Variants in RPGRIP1 observed in about 807,000 individuals in gnomAD.
The protein encoded by RPGRIP1 is X-linked retinitis pigmentosa GTPase regulator-interacting protein 1.
In RPGRIP1, 128 loss-of-function variants were observed where a neutral mutation model predicts 157.9. The ratio of observed to expected loss-of-function variants is 0.81; its 90% CI spans 0.70 to 0.94. The LOEUF (loss-of-function observed/expected upper bound fraction) is 0.94. Ranked by LOEUF, RPGRIP1 falls within the 40% of genes least tolerant of loss-of-function variation. The pLI, the probability that RPGRIP1 is intolerant of heterozygous loss-of-function variation, is 0.00. For missense variants in RPGRIP1, 1,486 were observed against 1,545.8 expected (o/e 0.96, Z 0.65); for synonymous variants, 554 against 571.6 (o/e 0.97, Z 0.44).
At chr14:21,285,530 G>A (rs1385991587) in intron 1 of RPGRIP1, among the ~76,000 whole-genome samples, 4 of 151,616 alleles carry the variant, frequency 2.6e-5, no homozygotes, top group Admixed American at 6.6e-5. Flanking sequence ...ACTTGAACTC[G>A]GGAGGTGGAG....
In RPGRIP1 at chr14:21,303,623, C is replaced by T. The variant is rs1216052348; in HGVS notation, c.800+80C>T. ...ATTCTTATTTATACCTTTCCTCCAT[C>T]TCAGAGGAAAAGAGTGTTTGGGATT... On this transcript the variant is annotated intron_variant, in intron 6 of 24. Transcript: ENST00000400017. The T allele has an allele frequency of 2.8e-6, 3 of 1,059,864 alleles. No individual in the cohort carries two copies. The East Asian group carries it at 7.2e-5, about 25-fold the overall frequency. The allele number at this position is 1,059,864 out of a possible 1,614,324, so 65.7% of individuals were successfully genotyped here.
chr14:21,350,890 T>G (rs1012190582), intron 24 of RPGRIP1, among the ~76,000 whole-genome samples: 3 of 152,204 alleles, frequency 2.0e-5, no homozygotes, highest in African/African-American at 7.2e-5. Context: ...TCCATTCTGG[T>G]GCAGATGCCT....
At position 21,301,122 on chromosome 14, in the gene RPGRIP1, A is replaced by G. The variant is rs372557648; in HGVS notation, c.375A>G (p.Gln125=). The change falls in exon 4 of 25, where the codon CAA becomes CAG. Residue 125 remains glutamine (Q), a synonymous_variant. Transcript: ENST00000400017. ...MHQRPQMHRL[Q]GHFHCVGPAS... is the part of the protein sequence containing the mutation. ...AGCGCCCCCAGATGCACCGACTGCA[A>G]GGGCATTTCCACTGCGTCGGCCCTG... 128 of 1,607,134 alleles carry G rather than the reference A, an allele frequency of 8.0e-5. No homozygotes were observed. Among genetic ancestry groups the G allele is most frequent in the Non-Finnish European group, 1.0e-4 (123 of 1,176,788 alleles).
chr14:21,325,952 C>A lies in RPGRIP1; in HGVS notation c.2489C>A (p.Thr830Asn). Residue 830 changes from threonine to asparagine, a missense_variant, in exon 17 of 25, where the codon ACC becomes AAC. By Grantham distance (65) the Thr-to-Asn change is moderately conservative. Transcript: ENST00000400017. The part of the protein sequence containing the change: ...PSPYAVYRFF[T>N]FSDHDTAIIP... ...CCATATGCTGTGTACCGCTTCTTCA[C>A]CTTTTCTGACCATGACACTGCCATC... 1 of 1,614,002 alleles carries A rather than the reference C, an allele frequency of 6.2e-7. No homozygotes were observed. The highest frequency in any genetic ancestry group is 8.5e-7 in the Non-Finnish European group (1 of 1,179,884).
intron 14 of RPGRIP1, chr14:21,324,226 C>T (rs185283532): frequency 7.5e-4 from 237 of 314,638 alleles, no homozygotes; most frequent in African/African-American, 4.6e-3. Flanking sequence ...TCTCCACGGC[C>T]AATATACCAA....
intron 1 of RPGRIP1, among the ~76,000 whole-genome samples, chr14:21,281,735 A>AATAATAATAATAATAATC (rs949267854): frequency 6.8e-6 from 1 of 147,602 alleles, no homozygotes; most frequent in Non-Finnish European, 1.5e-5. Flanking sequence ...TAATAATAAT[A>AATAATAATAATAATAATC]ATCAGAGTAA....
At chr14:21,320,229 A>G in intron 12 of RPGRIP1, 52 bp downstream of exon 12, 1 of 1,473,742 alleles carries the variant, frequency 6.8e-7, no homozygotes, top group African/African-American at 1.4e-5. Context: ...ATCTCTGGCA[A>G]ATATCTCTAG....
chr14:21,328,647 G>A lies in RPGRIP1; in HGVS notation c.3099+20G>A. 1 of 1,562,646 alleles carries A rather than the reference G, an allele frequency of 6.4e-7. No homozygotes were observed. The highest frequency in any genetic ancestry group is 1.1e-5 in the South Asian group (1 of 89,652). ...CCAGAGGTAAGACCTTAAAAACTCT[G>A]AAGCACTAAATTGTGGGTTGTAGTG... On this transcript the variant is annotated intron_variant, in intron 19 of 24. Coordinates refer to ENST00000400017, the MANE Select transcript of RPGRIP1 (RefSeq NM_020366.4).
chr14:21,290,772 T>G (rs1291949229), intron 2 of RPGRIP1, among the ~76,000 whole-genome samples: 1 of 149,398 alleles, frequency 6.7e-6, no homozygotes, highest in Non-Finnish European at 1.5e-5. Flanking sequence ...TGAGCCGAGA[T>G]CGCGCCACTG....
At chr14:21,335,602 G>A (rs531983403) in intron 21 of RPGRIP1, among the ~76,000 whole-genome samples, 31 of 152,176 alleles carry the variant, frequency 2.0e-4, no homozygotes, top group African/African-American at 5.5e-4. Flanking sequence ...AGGCCGAGAC[G>A]GGTGGATCAC....
At chr14:21,312,353 C>A in intron 9 of RPGRIP1, 80 bp from the exon 10 acceptor site, 1 of 941,684 alleles carries the variant, frequency 1.1e-6, no homozygotes, top group East Asian at 2.6e-5. Context: ...ACCCACGCCC[C>A]TCCCTGCCAT....
At chr14:21,343,448 G>A (rs747402433) in intron 22 of RPGRIP1, among the ~76,000 whole-genome samples, 6 of 152,158 alleles carry the variant, frequency 3.9e-5, no homozygotes, top group Non-Finnish European at 7.3e-5. Flanking sequence ...CACTTCGCCT[G>A]TTCCCACCCT....
chr14:21,316,353 C>T (rs1881808326), intron 10 of RPGRIP1, among the ~76,000 whole-genome samples: 1 of 151,724 alleles, frequency 6.6e-6, no homozygotes, highest in Non-Finnish European at 1.5e-5. Flanking sequence ...CTCAGATAAT[C>T]TGCCCACCTT....
Position 21,325,277 on chromosome 14 carries a change from T to C in RPGRIP1, c.2261T>C (p.Leu754Pro). ...GGGGTTCTAGAGTACTGGATGAGGC[T>C]GCGTTTCCCCATAAAACCCAGCCTA... Reference protein sequence around the residue: ...EFGVLEYWMRLRFPIKPSLQA... With the variant: ...EFGVLEYWMRPRFPIKPSLQA... The change falls in exon 16 of 25, where the codon CTG becomes CCG. Residue 754 changes from leucine to proline, a missense_variant. Transcript: ENST00000400017. 1 of 1,613,722 alleles carries C rather than the reference T, an allele frequency of 6.2e-7. No individual in the cohort carries two copies. The highest frequency in any genetic ancestry group is 8.5e-7 in the Non-Finnish European group (1 of 1,179,784).
chr14:21,300,437 T>C (rs966412265), intron 3 of RPGRIP1, among the ~76,000 whole-genome samples: 1 of 151,948 alleles, frequency 6.6e-6, no homozygotes, highest in African/African-American at 2.4e-5. Flanking sequence ...TAGAATCAGA[T>C]AGTAGCAAAA....
At chr14:21,291,530 A>C (rs1880528723) in intron 2 of RPGRIP1, among the ~76,000 whole-genome samples, 1 of 152,146 alleles carries the variant, frequency 6.6e-6, no homozygotes, top group Non-Finnish European at 1.5e-5. Flanking sequence ...TTCATTACAA[A>C]CATGTCCAAT....
rs1881585130 is a variant in RPGRIP1 at position 21,312,566 on chromosome 14, AT to A, written c.1151+62del. On this transcript the variant is annotated intron_variant, in intron 10 of 24. Transcript: ENST00000400017. ...CTATGAAAGACATTATAGAAAGTTCATTCCTAATACCTAGCATTAATAAATA... is the reference window on the plus strand; with the variant it reads ...CTATGAAAGACATTATAGAAAGTTCATCCTAATACCTAGCATTAATAAATA... 6 of 1,038,776 alleles carry A rather than the reference AT, an allele frequency of 5.8e-6. No individual in the cohort carries two copies. The East Asian group carries it at 1.2e-4, about 22-fold the overall frequency. 64.3% of individuals were successfully genotyped at this position (1,038,776 alleles called of 1,614,324 possible).
chr14:21,344,061 G>A (rs924379594), intron 22 of RPGRIP1, among the ~76,000 whole-genome samples: 6 of 150,974 alleles, frequency 4.0e-5, no homozygotes, highest in Non-Finnish European at 8.9e-5. Flanking sequence ...CTGATTCACC[G>A]GCTTTAGACT....
chr14:21,296,381 T>TA (rs1186481897), intron 3 of RPGRIP1, among the ~76,000 whole-genome samples: 7 of 151,320 alleles, frequency 4.6e-5, no homozygotes, highest in African/African-American at 1.7e-4. Flanking sequence ...CTGGCTAATT[T>TA]TTTTTTTTTT....
Sources: allele counts gnomAD v4.1 joint callset (sites outside exome capture counted in the v4.1 genomes callset), GRCh38; gene constraint gnomAD v4.1.1; transcripts MANE v1.5; gene names NCBI Gene and HGNC (gene_info 2026-07-23, HGNC 2026-07-21).